The following CSMD1 variants were observed in gnomAD, a reference collection of about 807,000 sequenced individuals.
CSMD1 encodes CUB and sushi domain-containing protein 1.
In CSMD1, 213 loss-of-function variants were observed where a neutral mutation model predicts 417.5. The observed-to-expected ratio is 0.51, with a 90% confidence interval of 0.46 to 0.57. The LOEUF is 0.57. CSMD1 is among the 20% of genes least tolerant of loss of function. The probability of loss-of-function intolerance (pLI) is 0.00; values close to 1 mark genes in which losing one functional copy is unlikely to be tolerated. For missense variants in CSMD1, 6,923 were observed against 4,529.7 expected (o/e 1.53, Z -15.17); for synonymous variants, 2,862 against 1,736.8 (o/e 1.65, Z -16.11).
At chr8:4,514,760 A>C (rs1803025019) in intron 2 of CSMD1, among the ~76,000 whole-genome samples, 1 of 152,174 alleles carries the variant, frequency 6.6e-6, no homozygotes, top group South Asian at 2.1e-4. Context: ...AACAGTGGAG[A>C]ATAAAGAAGA....
At chr8:4,719,546 A>C (rs1356437065) in intron 1 of CSMD1, among the ~76,000 whole-genome samples, 2 of 151,120 alleles carry the variant, frequency 1.3e-5, no homozygotes, top group Non-Finnish European at 2.9e-5. Flanking sequence ...TCTTCACAAC[A>C]AACTTATTTT....
intron 7 of CSMD1, among the ~76,000 whole-genome samples, chr8:3,663,534 G>A (rs1358275279): frequency 6.6e-6 from 1 of 152,080 alleles, no homozygotes; most frequent in Non-Finnish European, 1.5e-5. Context: ...AGTCAAGCTG[G>A]AAACTGCTTA....
intron 25 of CSMD1, among the ~76,000 whole-genome samples, chr8:3,307,374 C>T (rs768731658): frequency 6.6e-5 from 10 of 151,694 alleles, no homozygotes; most frequent in Admixed American, 2.6e-4. Context: ...CAGGCAGTCT[C>T]ACGCAGATCA....
rs1291642888 is a variant in CSMD1 at position 4,227,656 on chromosome 8, A to T, written c.415+192297T>A. Reference sequence around the variant, plus strand: ...TTCTTCCTACCAATCATTGCCAGTGATCCTCCTGGCAGACACAGCCTCCAT... The same window carrying T: ...TTCTTCCTACCAATCATTGCCAGTGTTCCTCCTGGCAGACACAGCCTCCAT... On this transcript the variant is annotated intron_variant, in intron 3 of 69. Transcript: ENST00000635120. Among the ~76,000 whole-genome samples the T allele has an allele frequency of 2.0e-5, 3 of 152,054 alleles. No homozygotes were observed. The East Asian group carries it at 5.8e-4, about 30-fold the overall frequency.
intron 23 of CSMD1, among the ~76,000 whole-genome samples, chr8:3,322,959 A>C (rs1377128166): frequency 6.6e-6 from 1 of 152,014 alleles, no homozygotes; most frequent in South Asian, 2.1e-4. Flanking sequence ...TTGTTTTCCT[A>C]TGGAACTTAA....
chr8:2,960,965 T>TATATATATAC (rs1462555176), intron 62 of CSMD1, among the ~76,000 whole-genome samples, 176 bp downstream of exon 62: 2 of 131,062 alleles, frequency 1.5e-5, no homozygotes, highest in Middle Eastern at 3.8e-3. Flanking sequence ...TATATATATA[T>TATATATATAC]ACATATATTG....
chr8:4,065,446 G>T (rs140993664), intron 3 of CSMD1, among the ~76,000 whole-genome samples: 117 of 152,246 alleles, frequency 7.7e-4, no homozygotes, highest in Middle Eastern at 3.4e-3. Flanking sequence ...AATATAATAG[G>T]AAATTTGGCT....
intron 18 of CSMD1, among the ~76,000 whole-genome samples, chr8:3,384,406 T>G (rs1377720786): frequency 1.3e-5 from 2 of 151,772 alleles, no homozygotes; most frequent in African/African-American, 4.8e-5. Flanking sequence ...TATTATAAAT[T>G]AAGTTTCTGT....
chr8:3,217,575 G>A (rs908278082), intron 29 of CSMD1, among the ~76,000 whole-genome samples: 1 of 152,146 alleles, frequency 6.6e-6, no homozygotes, highest in Non-Finnish European at 1.5e-5. Context: ...TACTGTCATG[G>A]TAAAATGCAT....
At chr8:3,987,693 G>T (rs1814436169) in intron 5 of CSMD1, among the ~76,000 whole-genome samples, 1 of 152,170 alleles carries the variant, frequency 6.6e-6, no homozygotes, top group Non-Finnish European at 1.5e-5. Context: ...ATTGAAAACA[G>T]GAAACTGCAA....
intron 5 of CSMD1, among the ~76,000 whole-genome samples, chr8:3,837,391 G>A (rs1354570797): frequency 2.0e-5 from 3 of 152,076 alleles, no homozygotes; most frequent in Admixed American, 6.6e-5. Flanking sequence ...GAAAATTGAA[G>A]TAGCATGCAC....
At chr8:3,150,089 C>A (rs955097542) in intron 40 of CSMD1, among the ~76,000 whole-genome samples, 8 of 152,218 alleles carry the variant, frequency 5.3e-5, no homozygotes, top group Non-Finnish European at 1.0e-4. Flanking sequence ...ACAGTGGAAG[C>A]AACGTTGCTG....
intron 3 of CSMD1, among the ~76,000 whole-genome samples, chr8:4,373,942 T>G (rs772470647): frequency 3.9e-5 from 6 of 152,204 alleles, no homozygotes; most frequent in Non-Finnish European, 8.8e-5. Flanking sequence ...CTAGAAGACT[T>G]TAGTGTCTCT....
chr8:4,909,237 A>C (rs1318251322), intron 1 of CSMD1, among the ~76,000 whole-genome samples: 1 of 152,158 alleles, frequency 6.6e-6, no homozygotes, highest in African/African-American at 2.4e-5. Context: ...AGAGTGTTTT[A>C]TAACCTTCCT....
intron 4 of CSMD1, among the ~76,000 whole-genome samples, chr8:4,025,886 A>G (rs1797038920): frequency 6.6e-6 from 1 of 152,136 alleles, no homozygotes; most frequent in South Asian, 2.1e-4. Context: ...ACGGCTACAT[A>G]TATAATACAT....
intron 1 of CSMD1, among the ~76,000 whole-genome samples, chr8:4,777,060 A>C (rs1456922631): frequency 2.0e-5 from 3 of 152,198 alleles, no homozygotes; most frequent in Admixed American, 6.5e-5. Flanking sequence ...TCCAGCCTGT[A>C]TCCTACTGAA....
intron 1 of CSMD1, among the ~76,000 whole-genome samples, chr8:4,918,241 C>A (rs552678794): frequency 1.1e-4 from 17 of 152,178 alleles, no homozygotes; most frequent in Non-Finnish European, 2.2e-4. Context: ...TCACTCAAGG[C>A]CCCCTCCATG....
At chr8:3,435,573 C>T (rs779704754) in intron 12 of CSMD1, among the ~76,000 whole-genome samples, 48 of 152,098 alleles carry the variant, frequency 3.2e-4, no homozygotes, top group Non-Finnish European at 2.2e-4. Flanking sequence ...CAGCACATCT[C>T]GTCATGTCTG....
At chr8:4,019,798 T>C (rs986358299) in intron 4 of CSMD1, among the ~76,000 whole-genome samples, 2 of 152,122 alleles carry the variant, frequency 1.3e-5, no homozygotes, top group African/African-American at 4.8e-5. Flanking sequence ...AGTGACCCAC[T>C]GCCACACAGG....
Sources: allele counts gnomAD v4.1 joint callset (sites outside exome capture counted in the v4.1 genomes callset), GRCh38; gene constraint gnomAD v4.1.1; transcripts MANE v1.5; gene names NCBI Gene and HGNC (gene_info 2026-07-23, HGNC 2026-07-21).